Variants in BLM observed in about 807,000 individuals in gnomAD.
BLM encodes the protein recQ-like DNA helicase BLM.
In BLM, 95 loss-of-function variants were observed where a neutral mutation model predicts 135.3. That is an observed-to-expected ratio of 0.70 (90% CI 0.59 to 0.83). BLM has a LOEUF of 0.83. Among genes scored for constraint, BLM ranks in the 40% least tolerant of loss-of-function variants. BLM has a pLI of 0.00. For missense variants in BLM, 1,518 were observed against 1,663.9 expected, an observed-to-expected ratio of 0.91 and a Z score of 1.53; for synonymous variants, 520 against 589.2, an observed-to-expected ratio of 0.88 and a Z score of 1.70.
intron 8 of BLM, among the ~76,000 whole-genome samples, chr15:90,764,164 C>T (rs1896058984): frequency 6.6e-6 from 1 of 150,908 alleles, no homozygotes; most frequent in Admixed American, 6.6e-5. Context: ...TCCCATTGTC[C>T]TTTAGGGTTT....
chr15:90,773,511 C>CTTTTTTTTTTT (rs55678339), intron 12 of BLM, among the ~76,000 whole-genome samples: 1 of 100,846 alleles, frequency 9.9e-6, no homozygotes, highest in Non-Finnish European at 1.8e-5. Context: ...CTTCAATGGC[C>CTTTTTTTTTTT]TTTTTTTTTT....
At chr15:90,754,322 A>T (rs1417246151) in intron 4 of BLM, among the ~76,000 whole-genome samples, 2 of 152,258 alleles carry the variant, frequency 1.3e-5, no homozygotes, top group African/African-American at 2.4e-5. Context: ...ATATGCAGAC[A>T]CACAAAAACA....
At chr15:90,787,882 G>A (rs984594621) in intron 14 of BLM, among the ~76,000 whole-genome samples, 24 of 151,850 alleles carry the variant, frequency 1.6e-4, no homozygotes, top group East Asian at 3.9e-4. Context: ...CCTGGGAGCC[G>A]AAGGTTGCAG....
intron 5 of BLM, among the ~76,000 whole-genome samples, chr15:90,756,855 G>A (rs1455298853): frequency 6.6e-6 from 1 of 152,180 alleles, no homozygotes; most frequent in Non-Finnish European, 1.5e-5. Context: ...ATAGAAACCT[G>A]TCTCCTCCTA....
rs372459059 is a variant in BLM, at chr15:90,754,925, C to T, written c.1074C>T (p.Ser358=). The part of the protein sequence containing the change: ...MSMQELNPET[S]TDCDARQISL... ...TGCAGGAGCTGAATCCAGAAACCAG[C>T]ACAGACTGTGACGGTACAAGCAATA... The change falls in exon 5 of 22, where the codon AGC becomes AGT. Residue 358 remains serine, a synonymous_variant. Coordinates refer to ENST00000355112, the MANE Select transcript of BLM (RefSeq NM_000057.4). 3.1e-6 allele frequency: 5 copies of T among 1,613,848 alleles called. No individual in the cohort carries two copies. The highest frequency in any genetic ancestry group is 4.2e-6 in the Non-Finnish European group (5 of 1,179,964).
rs947606773 is a variant in BLM, at chr15:90,758,360, G to A, written c.1088-1787G>A. Among the ~76,000 whole-genome samples the A allele has an allele frequency of 2.0e-5, 3 of 152,166 alleles. No individual in the cohort carries two copies. The East Asian group carries it at 5.8e-4, about 29-fold the overall frequency. On this transcript the variant is annotated intron_variant, in intron 5 of 21. Coordinates refer to ENST00000355112, the MANE Select transcript of BLM (RefSeq NM_000057.4). ...AAAAAAGCCGAGCGTGGTAGCGTGTGCTTGTAGTCCCAGGCACTCAGGAGG... is the reference window on the plus strand; with the variant it reads ...AAAAAAGCCGAGCGTGGTAGCGTGTACTTGTAGTCCCAGGCACTCAGGAGG...
intron 12 of BLM, among the ~76,000 whole-genome samples, chr15:90,781,285 C>A (rs765773272): frequency 1.6e-4 from 24 of 152,048 alleles, no homozygotes; most frequent in Non-Finnish European, 3.2e-4. Flanking sequence ...TTTTGGCTTC[C>A]CTGGGCCATA....
chr15:90,799,626 TAAA>T (rs10600094), intron 17 of BLM, among the ~76,000 whole-genome samples: 40,481 of 106,556 alleles, frequency 0.38, 7,175 homozygotes, highest in East Asian at 0.54. Context: ...AAGATGCCTG[TAAA>T]AAAAAAAAAA....
chr15:90,770,033 AAT>A (rs1200631587), intron 12 of BLM, among the ~76,000 whole-genome samples: 1 of 152,108 alleles, frequency 6.6e-6, no homozygotes, highest in East Asian at 1.9e-4. Context: ...GTCCCAGTTG[AAT>A]CCAGGATGTT....
At chr15:90,783,692 G>T (rs1896672106) in intron 13 of BLM, among the ~76,000 whole-genome samples, 1 of 152,174 alleles carries the variant, frequency 6.6e-6, no homozygotes, top group Non-Finnish European at 1.5e-5. Context: ...TTGAGGTCAG[G>T]ATTTCAAGAC....
At chr15:90,755,525 C>T (rs934863445) in intron 5 of BLM, among the ~76,000 whole-genome samples, 1 of 152,040 alleles carries the variant, frequency 6.6e-6, no homozygotes, top group Admixed American at 6.6e-5. Flanking sequence ...TGTAAATAAT[C>T]AGATAGCAGT....
chr15:90,747,237 C>CAAAAAAAAAAAAA (rs59331923), intron 1 of BLM, among the ~76,000 whole-genome samples, 152 bp from the exon 2 acceptor site: 1 of 39,254 alleles, frequency 2.5e-5, no homozygotes, highest in African/African-American at 9.5e-5. Flanking sequence ...GTCTATTGAC[C>CAAAAAAAAAAAAA]AAAAAAAAAA....
At chr15:90,749,157 G>T (rs1345342551) in intron 2 of BLM, among the ~76,000 whole-genome samples, 1 of 152,170 alleles carries the variant, frequency 6.6e-6, no homozygotes, top group Non-Finnish European at 1.5e-5. Flanking sequence ...ACCTCTCAAA[G>T]CCAAATAATT....
At chr15:90,810,204 C>T (rs1026984399) in intron 20 of BLM, among the ~76,000 whole-genome samples, 1 of 152,032 alleles carries the variant, frequency 6.6e-6, no homozygotes, top group East Asian at 1.9e-4. Context: ...AGGCATGCAC[C>T]ACCACACCTG....
rs375841213 is a variant in BLM, at chr15:90,803,548, G to T, written c.3386G>T (p.Gly1129Val). ...AGTAAGAGTGCAAAAATCCAGTCAG[G>T]TATATTTGGAAAAGGATCTGCTTAT... ...LGSKSAKIQS[G>V]IFGKGSAYSR... Residue 1129 changes from glycine (G) to valine (V), a missense_variant, in exon 18 of 22, where the codon GGT becomes GTT. This residue lies in a region of BLM where 626 missense variants were observed against 681.1 expected (regional missense o/e 0.92). Transcript: ENST00000355112. 1.2e-6 allele frequency: 2 copies of T among 1,613,788 alleles called. No homozygotes were observed. Among genetic ancestry groups the T allele is most frequent in the African/African-American group, 1.3e-5 (1 of 75,002 alleles).
intron 2 of BLM, among the ~76,000 whole-genome samples, chr15:90,748,236 G>A (rs1895561261): frequency 1.3e-5 from 2 of 151,878 alleles, no homozygotes; most frequent in Admixed American, 1.3e-4. Context: ...AGCCTCCCAA[G>A]TAGCTGGGAT....
chr15:90,756,480 C>T lies in BLM; in HGVS notation c.1087+1542C>T, dbSNP rs563595116. Reference sequence around the variant, plus strand: ...ACAGGAGCGTTAAATAGTTACACACCGTCATAGAATTAGCCTCAGAGCTAG... The same window carrying T: ...ACAGGAGCGTTAAATAGTTACACACTGTCATAGAATTAGCCTCAGAGCTAG... On this transcript the variant is annotated intron_variant, in intron 5 of 21. Coordinates refer to ENST00000355112, the MANE Select transcript of BLM (RefSeq NM_000057.4). Among the ~76,000 whole-genome samples, 8 of 152,290 alleles carry T rather than the reference C, an allele frequency of 5.3e-5. No individual in the cohort carries two copies. In the South Asian group the frequency reaches 1.2e-3, roughly 24 times the overall value.
chr15:90,797,021 C>T (rs72751868), intron 16 of BLM, among the ~76,000 whole-genome samples: 24,949 of 151,782 alleles, frequency 0.16, 2,135 homozygotes, highest in Non-Finnish European at 0.19. Flanking sequence ...GAAGTGTGAG[C>T]GGCTGATGTA....
chr15:90,776,457 C>T (rs1896479402), intron 12 of BLM, among the ~76,000 whole-genome samples: 1 of 152,250 alleles, frequency 6.6e-6, no homozygotes, highest in Middle Eastern at 3.4e-3. Flanking sequence ...TTCAGTATAC[C>T]TTTCCAATAT....
Sources: allele counts gnomAD v4.1 joint callset (sites outside exome capture counted in the v4.1 genomes callset), GRCh38; gene constraint gnomAD v4.1.1; regional missense constraint gnomAD v4.1.1; transcripts MANE v1.5; gene names NCBI Gene and HGNC (gene_info 2026-07-23, HGNC 2026-07-21).